The following MARCHF1 variants were observed in gnomAD, a reference collection of about 807,000 sequenced individuals.
MARCHF1 encodes the protein E3 ubiquitin-protein ligase MARCHF1.
Under a neutral mutation model 54.2 loss-of-function variants are expected in MARCHF1, and 40 were observed. That is an observed-to-expected ratio of 0.74 (90% CI 0.57 to 0.96). MARCHF1 has a LOEUF of 0.96. MARCHF1 is among the 40% of genes least tolerant of loss of function. MARCHF1 has a pLI of 0.00. For synonymous variants in MARCHF1, 236 were observed against 236.3 expected (o/e 1.00, Z 0.01); for missense variants, 586 against 656.5 (o/e 0.89, Z 1.17).
chr4:163,578,945 T>G (rs10155430), intron 8 of MARCHF1, among the ~76,000 whole-genome samples: 1 of 151,888 alleles, frequency 6.6e-6, no homozygotes, highest in African/African-American at 2.4e-5. Context: ...TTGCTGGTGA[T>G]GTGAACTGAA....
intron 8 of MARCHF1, among the ~76,000 whole-genome samples, chr4:163,582,444 A>G (rs1740260606): frequency 6.6e-6 from 1 of 152,194 alleles, no homozygotes; most frequent in African/African-American, 2.4e-5. Context: ...AAGAGTTGCA[A>G]TTAATGAGGT....
At chr4:163,700,919 C>G in intron 4 of MARCHF1, 56 bp from the exon 5 acceptor site, 1 of 1,218,946 alleles carries the variant, frequency 8.2e-7, no homozygotes, top group South Asian at 1.3e-5. Context: ...TTTCACCATA[C>G]TGTACCACTG....
chr4:163,809,229 GTGTAAGAC>G (rs1748315628), intron 4 of MARCHF1, among the ~76,000 whole-genome samples: 1 of 152,102 alleles, frequency 6.6e-6, no homozygotes, highest in Admixed American at 6.6e-5. Flanking sequence ...GTCATAATTT[GTGTAAGAC>G]CAGCATAGCT....
chr4:164,228,291 T>C (rs984011158), intron 1 of MARCHF1, among the ~76,000 whole-genome samples: 10 of 152,214 alleles, frequency 6.6e-5, no homozygotes, highest in Admixed American at 2.6e-4. Context: ...AATTTATTTA[T>C]CTGTCCCATT....
chr4:164,041,314 T>A (rs1013580773), intron 2 of MARCHF1, among the ~76,000 whole-genome samples: 16 of 152,272 alleles, frequency 1.1e-4, no homozygotes, highest in Non-Finnish European at 1.9e-4. Context: ...AATATCCCCC[T>A]CTTTCAACCA....
chr4:164,242,008 G>A (rs543867698), intron 1 of MARCHF1, among the ~76,000 whole-genome samples: 100 of 152,244 alleles, frequency 6.6e-4, no homozygotes, highest in African/African-American at 2.0e-3. Flanking sequence ...TTGCTAGCAC[G>A]GCAGTCTGAG....
At chr4:164,325,188 T>G (rs1184403593) in intron 1 of MARCHF1, among the ~76,000 whole-genome samples, 1 of 151,598 alleles carries the variant, frequency 6.6e-6, no homozygotes. Flanking sequence ...AAGATACAGG[T>G]AATAATGAAA....
intron 1 of MARCHF1, among the ~76,000 whole-genome samples, chr4:164,192,053 C>T (rs990236665): frequency 2.6e-5 from 4 of 151,976 alleles, no homozygotes; most frequent in South Asian, 2.1e-4. Flanking sequence ...ATCTCAAGAA[C>T]GATTGTACCT....
chr4:163,973,759 T>G (rs1442383855), intron 3 of MARCHF1, among the ~76,000 whole-genome samples: 1 of 152,232 alleles, frequency 6.6e-6, no homozygotes, highest in Non-Finnish European at 1.5e-5. Context: ...GATTTTATGC[T>G]GCACTAAGAA....
At chr4:163,617,932 A>G (rs561053417) in intron 5 of MARCHF1, among the ~76,000 whole-genome samples, 1 of 152,318 alleles carries the variant, frequency 6.6e-6, no homozygotes, top group South Asian at 2.1e-4. Flanking sequence ...ATAATTCCAC[A>G]GGTCTGAACA....
intron 4 of MARCHF1, among the ~76,000 whole-genome samples, chr4:163,819,782 T>C (rs929612839): frequency 6.6e-6 from 1 of 152,100 alleles, no homozygotes; most frequent in African/African-American, 2.4e-5. Context: ...ACACTTTCTG[T>C]CATCTCTTCT....
In MARCHF1 at chr4:163,596,856, C is replaced by A. The variant is rs147752790; in HGVS notation, c.1011-10927G>T. Among the ~76,000 whole-genome samples the A allele has an allele frequency of 6.6e-5, 10 of 152,242 alleles. No homozygotes were observed. The East Asian group carries it at 1.9e-3, about 29-fold the overall frequency. ...TTGTAGTTTTGCCATTACTTTTGCA[C>A]CAATCTAATAAAATGTGGTTCCTTC... On this transcript the variant is annotated intron_variant, in intron 7 of 9. Coordinates refer to ENST00000514618, the MANE Select transcript of MARCHF1 (RefSeq NM_001394959.1).
intron 1 of MARCHF1, among the ~76,000 whole-genome samples, chr4:164,176,970 C>CCATATATATA (rs3059788): frequency 1.0e-4 from 6 of 57,430 alleles, no homozygotes; most frequent in Admixed American, 4.1e-4. Flanking sequence ...CTCTCTCTCT[C>CCATATATATA]TCTCTCTCTC....
chr4:164,182,186 A>C, intron 1 of MARCHF1, among the ~76,000 whole-genome samples: 1 of 152,160 alleles, frequency 6.6e-6, no homozygotes, highest in East Asian at 1.9e-4. Context: ...CTCCCTCTAG[A>C]TCTCTGTGCT....
intron 5 of MARCHF1, among the ~76,000 whole-genome samples, chr4:163,614,515 G>A (rs1741450861): frequency 6.6e-6 from 1 of 151,812 alleles, no homozygotes; most frequent in Non-Finnish European, 1.5e-5. Flanking sequence ...TAACAGTAAA[G>A]GTAAAAAGAT....
In MARCHF1 at chr4:164,321,662, A is replaced by T. The variant is rs924772977; in HGVS notation, c.-323+62208T>A. The stretch of plus-strand genomic sequence containing the variant: ...CTAGAACCATGATAAGGTGTCATTC[A>T]TCTTTTAGTGTTAAAGGAAGAATTT... On this transcript the variant is annotated intron_variant, in intron 1 of 9. Transcript: ENST00000514618. Among the ~76,000 whole-genome samples, 122 of 152,124 alleles carry T rather than the reference A, an allele frequency of 8.0e-4. 2 individuals are homozygous for T. Among genetic ancestry groups the T allele is most frequent in the Admixed American group, 2.8e-3 (42 of 15,258 alleles).
intron 1 of MARCHF1, among the ~76,000 whole-genome samples, chr4:164,366,627 TATC>T (rs1291720863): frequency 6.6e-6 from 1 of 151,818 alleles, no homozygotes; most frequent in Non-Finnish European, 1.5e-5. Context: ...AAAGGAAAAA[TATC>T]AGCATAATTT....
At chr4:164,307,084 G>T (rs1305138792) in intron 1 of MARCHF1, among the ~76,000 whole-genome samples, 2 of 151,954 alleles carry the variant, frequency 1.3e-5, no homozygotes, top group African/African-American at 4.8e-5. Context: ...TTGAACAAAA[G>T]ATCTAAGATT....
intron 4 of MARCHF1, among the ~76,000 whole-genome samples, chr4:163,728,393 C>A (rs6815514): frequency 1 from 151,598 of 152,332 alleles, 75,435 homozygotes; most frequent in Middle Eastern, 1. Context: ...TCAATTAGGG[C>A]AAAACTAACA....
Sources: gnomAD v4.1 joint callset for allele counts (sites outside exome capture counted in the v4.1 genomes callset) on GRCh38, gnomAD v4.1.1 for gene constraint, MANE v1.5 for transcripts, NCBI Gene and HGNC (gene_info 2026-07-23, HGNC 2026-07-21) for gene names.